Variants in TSNAXIP1 observed in about 807,000 individuals in gnomAD.
TSNAXIP1 encodes translin-associated factor X-interacting protein 1.
A neutral mutation model predicts 84.8 loss-of-function variants in TSNAXIP1; 89 were observed. The observed-to-expected ratio is 1.05, with a 90% CI of 0.88 to 1.25. The LOEUF (loss-of-function observed/expected upper bound fraction) is 1.25. Ranked by LOEUF, TSNAXIP1 falls within the 50% of genes most tolerant of loss-of-function variation. The probability of loss-of-function intolerance (pLI) is 0.00; values close to 1 mark genes in which losing one functional copy is unlikely to be tolerated. For synonymous variants in TSNAXIP1, 347 were observed against 335.2 expected (o/e 1.04, Z -0.39); for missense variants, 874 against 887.6 (o/e 0.98, Z 0.20).
Position 67,827,570 on chromosome 16 carries a change from G to A in TSNAXIP1, c.1889G>A (p.Gly630Asp). The A allele has an allele frequency of 6.2e-7, 1 of 1,614,198 alleles. No individual in the cohort carries two copies. Among genetic ancestry groups the A allele is most frequent in the Non-Finnish European group, 8.5e-7 (1 of 1,180,026 alleles). ...TTACAGCAGCTAAAGCAGGAGCTTG[G>A]CATAGAACTGTGAGTGACCCTCATC... The part of the protein sequence containing the change: ...EYLQQLKQEL[G>D]IELHEEVTLP... Residue 630 changes from glycine (G) to aspartate (D), a missense_variant, in exon 15 of 16, where the codon GGC becomes GAC. Physicochemically the swap from Gly to Asp is moderately conservative, Grantham distance 94. Coordinates refer to ENST00000561639, the MANE Select transcript of TSNAXIP1 (RefSeq NM_001288990.3).
chr16:67,827,799 A>G lies in TSNAXIP1; in HGVS notation c.1945A>G (p.Ile649Val), dbSNP rs1325859098. 2 of 1,613,986 alleles carry G rather than the reference A, an allele frequency of 1.2e-6. No individual in the cohort carries two copies. Among genetic ancestry groups the G allele is most frequent in the Admixed American group, 3.3e-5 (2 of 59,978 alleles). ...CAAGCTGCGAGGGGGCCTGATGACC[A>G]TCGACCCCAGCCTGGACAAGCAGAC... Reference protein sequence around the residue: ...LPKLRGGLMTIDPSLDKQTVN... With the variant: ...LPKLRGGLMTVDPSLDKQTVN... Residue 649 changes from isoleucine to valine, a missense_variant, in exon 16 of 16, where the codon ATC (isoleucine) becomes GTC (valine). Transcript: ENST00000561639.
At position 67,827,235 on chromosome 16, in the gene TSNAXIP1, T is replaced by C; in HGVS notation, c.1665-14T>C. 6.2e-7 allele frequency: 1 copy of C among 1,614,002 alleles called. No homozygotes were observed. On this transcript the variant is annotated splice_polypyrimidine_tract_variant and intron_variant, in intron 13 of 15. Coordinates refer to ENST00000561639, the MANE Select transcript of TSNAXIP1 (RefSeq NM_001288990.3). ...CTCAGCAGGTCCCTGTTGGCCCTCA[T>C]GTCTCCCCTACAGCACTGTCCTCAA...
chr16:67,827,680 G>C, intron 15 of TSNAXIP1, 73 bp from the exon 16 acceptor site: 1 of 1,610,898 alleles, frequency 6.2e-7, no homozygotes, highest in Non-Finnish European at 8.5e-7. Flanking sequence ...GCCCAGCACA[G>C]AGGAGGGCAC....
At position 67,807,782 on chromosome 16, in the gene TSNAXIP1, C is replaced by G. The variant is rs186565477; in HGVS notation, c.47+586C>G. The G allele has an allele frequency of 3.2e-3, 620 of 193,680 alleles. 7 individuals are homozygous for G. The highest frequency in any genetic ancestry group is 0.016 in the South Asian group (214 of 13,630). The allele number at this position is 193,680 out of a possible 1,614,324, so 12.0% of individuals were successfully genotyped here. Reference sequence around the variant, plus strand: ...AGCGTGAACCCCCACACCCGGCCTACGTACCATATTTAATCCTCACAACAA... The same window carrying G: ...AGCGTGAACCCCCACACCCGGCCTAGGTACCATATTTAATCCTCACAACAA... On this transcript the variant is annotated intron_variant, in intron 1 of 15. Coordinates refer to ENST00000561639, the MANE Select transcript of TSNAXIP1 (RefSeq NM_001288990.3).
At chr16:67,825,037 C>A (rs1483844796) in intron 6 of TSNAXIP1, 100 bp from the exon 7 acceptor site, 3 of 1,505,914 alleles carry the variant, frequency 2.0e-6, no homozygotes, top group South Asian at 1.3e-5. Flanking sequence ...GTTCACAGTC[C>A]CTGATGGGGC....
intron 4 of TSNAXIP1, among the ~76,000 whole-genome samples, chr16:67,822,594 A>G (rs1057153232): frequency 6.7e-6 from 1 of 150,364 alleles, no homozygotes; most frequent in African/African-American, 2.5e-5. Context: ...GAGAGAGATC[A>G]GATCCAACCC....
chr16:67,814,320 A>C lies in TSNAXIP1; in HGVS notation c.66A>C (p.Ser22=). The change falls in exon 2 of 16, where the codon TCA becomes TCC. Residue 22 remains serine, a synonymous_variant. Coordinates refer to ENST00000561639, the MANE Select transcript of TSNAXIP1 (RefSeq NM_001288990.3). Reference sequence around the variant, plus strand: ...TGTGCAGATTACAGCCACGGCCTTCAGGAGTGACCATAGACGAATCCTTTC... The same window carrying C: ...TGTGCAGATTACAGCCACGGCCTTCCGGAGTGACCATAGACGAATCCTTTC... ...SSASRLQPRP[S]GVTIDESFLT... is the part of the protein sequence containing the mutation. 1.3e-6 allele frequency: 2 copies of C among 1,536,072 alleles called. No individual in the cohort carries two copies. The highest frequency in any genetic ancestry group is 1.7e-6 in the Non-Finnish European group (2 of 1,146,898).
At chr16:67,819,814 A>AATTTTTTTTTTTATTTTTTTTTTTTTT (rs1436938845) in intron 2 of TSNAXIP1, among the ~76,000 whole-genome samples, 1 of 127,162 alleles carries the variant, frequency 7.9e-6, no homozygotes, top group Non-Finnish European at 1.6e-5. Context: ...CACCTGGCTA[A>AATTTTTTTTTTTATTTTTTTTTTTTTT]ATTTTTTTTT....
Position 67,821,109 on chromosome 16 carries a change from C to T in TSNAXIP1, c.271C>T (p.Gln91Ter), listed in dbSNP as rs1432818460. Residue 91 changes from glutamine (Q) to a stop codon, truncating the protein, a stop_gained, in exon 4 of 16, where the codon CAG (glutamine) becomes TAG (stop). Coordinates refer to ENST00000561639, the MANE Select transcript of TSNAXIP1 (RefSeq NM_001288990.3). LOFTEE classifies it high-confidence loss of function. The part of the protein sequence containing the change: ...DYRKRVGSCQ[Q>*]HPFRTAKPQY... ...CACTGTCCCCTGCAGGAGCTGCCAG[C>T]AGCACCCCTTTCGCACTGCCAAGCC... The T allele has an allele frequency of 6.2e-7, 1 of 1,613,372 alleles. No homozygotes were observed. Among genetic ancestry groups the T allele is most frequent in the East Asian group, 2.2e-5 (1 of 44,848 alleles).
intron 1 of TSNAXIP1, chr16:67,807,536 C>T (rs1378958841): frequency 1.7e-6 from 1 of 603,068 alleles, no homozygotes; most frequent in African/African-American, 1.9e-5. Flanking sequence ...ACTACTACGG[C>T]TCACTGCAGC....
intron 1 of TSNAXIP1, chr16:67,807,590 G>A (rs1047333622): frequency 5.7e-6 from 2 of 350,128 alleles, no homozygotes; most frequent in African/African-American, 4.3e-5. Context: ...TCAGCCTCCC[G>A]AGTAGCTGGG....
At chr16:67,810,980 TTG>T (rs1033179243) in intron 1 of TSNAXIP1, among the ~76,000 whole-genome samples, 18 of 150,628 alleles carry the variant, frequency 1.2e-4, no homozygotes, top group African/African-American at 4.5e-4. Flanking sequence ...CTCATGTCTT[TTG>T]TTTTTTTTTT....
At chr16:67,813,693 C>G (rs1442721546) in intron 1 of TSNAXIP1, among the ~76,000 whole-genome samples, 1 of 142,050 alleles carries the variant, frequency 7.0e-6, no homozygotes, top group Non-Finnish European at 1.5e-5. Flanking sequence ...GATCGCACCA[C>G]TGCACTCCAG....
At chr16:67,819,976 G>A (rs1300966209) in intron 2 of TSNAXIP1, among the ~76,000 whole-genome samples, 6 of 152,002 alleles carry the variant, frequency 3.9e-5, no homozygotes, top group East Asian at 1.9e-4. Flanking sequence ...CCGACACCAC[G>A]CCCGGCTAAT....
At chr16:67,814,045 T>A (rs1033262799) in intron 1 of TSNAXIP1, among the ~76,000 whole-genome samples, 3 of 152,200 alleles carry the variant, frequency 2.0e-5, no homozygotes, top group African/African-American at 7.2e-5. Context: ...TGGGGTTCTC[T>A]GGGTTCATGG....
At chr16:67,812,983 C>T (rs1439146618) in intron 1 of TSNAXIP1, among the ~76,000 whole-genome samples, 1 of 151,874 alleles carries the variant, frequency 6.6e-6, no homozygotes, top group Non-Finnish European at 1.5e-5. Context: ...TGCAGTGGTG[C>T]AATCTCGGCT....
chr16:67,816,702 G>A (rs895402038), intron 2 of TSNAXIP1, among the ~76,000 whole-genome samples: 1 of 152,130 alleles, frequency 6.6e-6, no homozygotes, highest in Non-Finnish European at 1.5e-5. Flanking sequence ...CCAGGGGGCA[G>A]TGTTCCCTCC....
intron 13 of TSNAXIP1, 26 bp downstream of exon 13, chr16:67,827,098 C>T (rs777751627): frequency 6.2e-7 from 1 of 1,611,388 alleles, no homozygotes; most frequent in Non-Finnish European, 8.5e-7. Flanking sequence ...AGGCTACCCC[C>T]AACTCCTACC....
chr16:67,807,366 C>G, intron 1 of TSNAXIP1, 170 bp downstream of exon 1: 1 of 1,531,864 alleles, frequency 6.5e-7, no homozygotes, highest in Non-Finnish European at 8.7e-7. Flanking sequence ...CCAGTGAAGA[C>G]GTTACGTGCT....
Sources: gnomAD v4.1 joint callset for allele counts (sites outside exome capture counted in the v4.1 genomes callset) on GRCh38, gnomAD v4.1.1 for gene constraint, MANE v1.5 for transcripts, NCBI Gene and HGNC (gene_info 2026-07-23, HGNC 2026-07-21) for gene names.